Variants in MDN1 observed in about 807,000 individuals in gnomAD.
The protein encoded by MDN1 is midasin AAA ATPase 1, also known as midasin.
Under a neutral mutation model 669.2 loss-of-function variants are expected in MDN1, and 266 were observed. That is an observed-to-expected ratio of 0.40 (90% CI 0.36 to 0.44). The LOEUF (loss-of-function observed/expected upper bound fraction) is 0.44. Among genes scored for constraint, MDN1 ranks in the 20% least tolerant of loss-of-function variants. The pLI is 1.00. For missense variants in MDN1, 5,940 were observed against 6,754.0 expected (o/e 0.88, Z 4.22); for synonymous variants, 2,385 against 2,457.1 (o/e 0.97, Z 0.87).
chr6:89,711,062 A>G (rs1813879553), intron 49 of MDN1, among the ~76,000 whole-genome samples: 1 of 152,236 alleles, frequency 6.6e-6, no homozygotes, highest in South Asian at 2.1e-4. Flanking sequence ...CTCTACATAT[A>G]TTTAGACAGA....
chr6:89,685,132 G>A, intron 70 of MDN1, 147 bp from the exon 71 acceptor site: 1 of 557,418 alleles, frequency 1.8e-6, no homozygotes, highest in South Asian at 2.7e-5. Flanking sequence ...GCATTATTTA[G>A]GGATCCTGTC....
rs766779222 is a variant in MDN1, at chr6:89,718,584, T to G, written c.6365A>C (p.Glu2122Ala). 1.9e-6 allele frequency: 3 copies of G among 1,614,130 alleles called. No homozygotes were observed. The highest frequency in any genetic ancestry group is 1.7e-6 in the Non-Finnish European group (2 of 1,180,000). ...CCTTAACAGTGCCCTTACAGTTCCC[T>G]CCACCTTCTCTAGCAGCCTCCTCCA... ...RPWRRLLEKV[E>A]GTVRALLRDS... Residue 2122 changes from glutamate (E) to alanine (A), a missense_variant, in exon 43 of 102, where the codon GAG becomes GCG. Glu to Ala is a moderately radical substitution (Grantham distance 107). Transcript: ENST00000369393.
chr6:89,725,322 A>G lies in MDN1; in HGVS notation c.5547T>C (p.Pro1849=). The change falls in exon 38 of 102, where the codon CCT becomes CCC. Residue 1849 remains proline, a synonymous_variant. Coordinates refer to ENST00000369393, the MANE Select transcript of MDN1 (RefSeq NM_014611.3). ...GCACTTGAAAGCTCATTCCTAACTC[A>G]GGCACATAGATTTCTCCTCGGTGGT... ...CFDHRGEIYV[P]ELGMSFQVQH... The G allele has an allele frequency of 1.2e-6, 2 of 1,613,906 alleles. No individual in the cohort carries two copies. The highest frequency in any genetic ancestry group is 2.2e-5 in the South Asian group (2 of 91,064).
Position 89,643,944 on chromosome 6 carries a change from TG to T in MDN1, c.*60del. On this transcript the variant is annotated 3_prime_UTR_variant, in exon 102 of 102. Transcript: ENST00000369393. ...TTGTAGTTGTCCAAAAGGGAGCACC[TG>T]GGTAAGCAATGTGACCTTCTGACCA... 1 of 1,383,196 alleles carries T rather than the reference TG, an allele frequency of 7.2e-7. No individual in the cohort carries two copies. The highest frequency in any genetic ancestry group is 9.7e-7 in the Non-Finnish European group (1 of 1,032,306). The allele number at this position is 1,383,196 out of a possible 1,614,324, so 85.7% of individuals were successfully genotyped here.
chr6:89,746,858 A>G (rs1408125827), intron 27 of MDN1, among the ~76,000 whole-genome samples: 1 of 152,218 alleles, frequency 6.6e-6, no homozygotes, highest in East Asian at 1.9e-4. Flanking sequence ...TGTGTATCCT[A>G]TCACAAACAG....
intron 88 of MDN1, among the ~76,000 whole-genome samples, chr6:89,660,869 G>C (rs1397178734): frequency 6.6e-6 from 1 of 152,076 alleles, no homozygotes; most frequent in African/African-American, 2.4e-5. Context: ...CTGTTACAGG[G>C]GCACCTCCAA....
intron 1 of MDN1, among the ~76,000 whole-genome samples, chr6:89,812,925 T>C (rs1307398549): frequency 6.6e-6 from 1 of 151,436 alleles, no homozygotes; most frequent in Non-Finnish European, 1.5e-5. Flanking sequence ...AAAGTGAGAC[T>C]CCCCATCTCT....
intron 85 of MDN1, among the ~76,000 whole-genome samples, chr6:89,663,954 AAAG>A (rs762203825): frequency 0.028 from 4,257 of 151,492 alleles, 85 homozygotes; most frequent in Middle Eastern, 0.055. Context: ...AAAAAAAAAA[AAAG>A]AAAGAAAGAA....
chr6:89,649,544 A>C (rs375095784), intron 97 of MDN1, among the ~76,000 whole-genome samples: 1 of 152,260 alleles, frequency 6.6e-6, no homozygotes, highest in African/African-American at 2.4e-5. Context: ...CCTAAACTTA[A>C]TATTAGCACT....
At chr6:89,702,438 C>A (rs1813223790) in intron 53 of MDN1, among the ~76,000 whole-genome samples, 1 of 152,202 alleles carries the variant, frequency 6.6e-6, no homozygotes, top group Non-Finnish European at 1.5e-5. Flanking sequence ...TGTTTCATTT[C>A]TTTGCCAATA....
chr6:89,780,079 AAC>A, intron 11 of MDN1, 131 bp downstream of exon 11: 2 of 556,482 alleles, frequency 3.6e-6, no homozygotes, highest in Non-Finnish European at 6.2e-6. Flanking sequence ...AAAAAAAAAA[AAC>A]AAAAAAAGAA....
At chr6:89,688,287 C>T in intron 66 of MDN1, 114 bp from the exon 67 acceptor site, 1 of 987,166 alleles carries the variant, frequency 1.0e-6, no homozygotes, top group African/African-American at 1.6e-5. Context: ...TTTTAAAACA[C>T]CTCTGAAAAA....
rs1312707400 is a variant in MDN1, at chr6:89,684,868, C to T, written c.11829+8G>A. On this transcript the variant is annotated splice_region_variant and intron_variant, in intron 71 of 101. Coordinates refer to ENST00000369393, the MANE Select transcript of MDN1 (RefSeq NM_014611.3). The stretch of plus-strand genomic sequence containing the variant: ...CCCAAGAGTGATCATGACAGCTGTT[C>T]ATCTTACTTTAAGTTCTTTTTCTAG... 4 of 1,552,362 alleles carry T rather than the reference C, an allele frequency of 2.6e-6. No homozygotes were observed. The Admixed American group carries it at 6.7e-5, about 26-fold the overall frequency.
At chr6:89,792,434 C>T (rs190234340) in intron 5 of MDN1, among the ~76,000 whole-genome samples, 2 of 152,016 alleles carry the variant, frequency 1.3e-5, no homozygotes, top group East Asian at 3.9e-4. Context: ...CCATTCTAAC[C>T]AGAATCCTTC....
At position 89,753,511 on chromosome 6, in the gene MDN1, C is replaced by A; in HGVS notation, c.3075+1G>T. ...AAGTCAAAAATAACAAAAGAACATA[C>A]CTGCTTCAGCAGACTCTTGACATTG... On this transcript the variant is annotated splice_donor_variant, in intron 22 of 101. Coordinates refer to ENST00000369393, the MANE Select transcript of MDN1 (RefSeq NM_014611.3). LOFTEE classifies it high-confidence loss of function. 1 of 1,602,492 alleles carries A rather than the reference C, an allele frequency of 6.2e-7. No homozygotes were observed. Among genetic ancestry groups the A allele is most frequent in the Non-Finnish European group, 8.5e-7 (1 of 1,170,372 alleles).
chr6:89,700,902 G>A (rs761223847), intron 55 of MDN1, 46 bp from the exon 56 acceptor site: 13 of 1,561,922 alleles, frequency 8.3e-6, no homozygotes, highest in Non-Finnish European at 1.1e-5. Flanking sequence ...GCACAAATGT[G>A]GTTTTCTTTA....
Position 89,790,391 on chromosome 6 carries a change from C to G in MDN1, c.866G>C (p.Arg289Thr), listed in dbSNP as rs1437364406. Reference protein sequence around the residue: ...LPAPGELGGNRSSSREQELAL... With the variant: ...LPAPGELGGNTSSSREQELAL... ...CAGCTCCTGTTCACGTGAAGAACTC[C>G]TATTACCACCCTAAAGAGGCAAGAC... The change falls in exon 6 of 102, where the codon AGG (arginine) becomes ACG (threonine). Residue 289 changes from arginine to threonine, a missense_variant. Arg to Thr is a moderately conservative substitution (Grantham distance 71). This residue lies in a region of MDN1 where 1,203 missense variants were observed against 1,268.9 expected (regional missense o/e 0.95). Transcript: ENST00000369393. 1.2e-6 allele frequency: 2 copies of G among 1,613,786 alleles called. No homozygotes were observed. The highest frequency in any genetic ancestry group is 3.3e-5 in the Admixed American group (2 of 59,908).
chr6:89,708,438 G>C (rs541415935), intron 51 of MDN1, 58 bp downstream of exon 51: 1 of 1,589,974 alleles, frequency 6.3e-7, no homozygotes, highest in South Asian at 1.1e-5. Context: ...TCTTAGGAAA[G>C]GTATAATCCG....
At chr6:89,675,627 AC>A (rs1251075410) in intron 77 of MDN1, 48 bp from the exon 78 acceptor site, 1 of 1,503,004 alleles carries the variant, frequency 6.7e-7, no homozygotes, top group South Asian at 1.1e-5. Flanking sequence ...GACAAACATC[AC>A]CCACAGATGT....
Sources: allele counts gnomAD v4.1 joint callset (sites outside exome capture counted in the v4.1 genomes callset), GRCh38; gene constraint gnomAD v4.1.1; regional missense constraint gnomAD v4.1.1; transcripts MANE v1.5; gene names NCBI Gene and HGNC (gene_info 2026-07-23, HGNC 2026-07-21).